Variants in SLC2A13 observed in about 807,000 individuals in gnomAD.
SLC2A13 encodes the protein solute carrier family 2 member 13, also known as proton myo-inositol cotransporter.
In SLC2A13, 32 loss-of-function variants were observed where a neutral mutation model predicts 64.4. The observed-to-expected ratio is 0.50, with a 90% confidence interval of 0.37 to 0.67. The LOEUF is 0.67. SLC2A13 is among the 30% of genes least tolerant of loss of function. The probability of loss-of-function intolerance (pLI) is 0.00; values close to 1 mark genes in which losing one functional copy is unlikely to be tolerated. For missense variants in SLC2A13, 743 were observed against 829.2 expected, an observed-to-expected ratio of 0.90 and a Z score of 1.28; for synonymous variants, 338 against 327.1, an observed-to-expected ratio of 1.03 and a Z score of -0.36.
chr12:39,981,808 C>G (rs1411941630), intron 3 of SLC2A13, among the ~76,000 whole-genome samples: 1 of 122,020 alleles, frequency 8.2e-6, no homozygotes, highest in Non-Finnish European at 1.7e-5. Context: ...AAGAGGGAAT[C>G]CTCCCTAACT....
rs1939978961 is a variant in SLC2A13, at chr12:39,756,773, T to C, written c.*3253A>G. 1 of 151,732 alleles carries C rather than the reference T, an allele frequency of 6.6e-6. No homozygotes were observed. Among genetic ancestry groups the C allele is most frequent in the Non-Finnish European group, 1.5e-5 (1 of 67,704 alleles). The allele number at this position is 151,732 out of a possible 1,614,324, so 9.4% of individuals were successfully genotyped here. A position where few individuals can be genotyped will look rare whatever the true frequency, so the allele number is the denominator to read the frequency against. ...TACTGAAATTACAGCAAAAATTTCA[T>C]AAATTCCTTGCTTTTACTGATTTCC... On this transcript the variant is annotated 3_prime_UTR_variant, in exon 10 of 10. Coordinates refer to ENST00000280871, the MANE Select transcript of SLC2A13 (RefSeq NM_052885.4).
At chr12:40,004,066 A>C (rs1237049156) in intron 3 of SLC2A13, among the ~76,000 whole-genome samples, 1 of 152,226 alleles carries the variant, frequency 6.6e-6, no homozygotes, top group African/African-American at 2.4e-5. Flanking sequence ...AATTTAAAAA[A>C]AGATAGTATA....
intron 6 of SLC2A13, among the ~76,000 whole-genome samples, chr12:39,836,453 A>G (rs983467333): frequency 1.3e-5 from 2 of 151,804 alleles, no homozygotes; most frequent in Non-Finnish European, 2.9e-5. Flanking sequence ...CTCTCTCACC[A>G]CTCCTATTCA....
chr12:39,815,630 C>A (rs568353485), intron 7 of SLC2A13, among the ~76,000 whole-genome samples: 47 of 152,228 alleles, frequency 3.1e-4, no homozygotes, highest in Non-Finnish European at 4.3e-4. Flanking sequence ...ATAAAAATAA[C>A]CATAATGCAA....
At chr12:39,807,937 T>C (rs1942029927) in intron 7 of SLC2A13, among the ~76,000 whole-genome samples, 1 of 152,208 alleles carries the variant, frequency 6.6e-6, no homozygotes, top group Non-Finnish European at 1.5e-5. Context: ...TTTTGTATGC[T>C]ATAATTCTTG....
chr12:39,776,712 G>T (rs140461614), intron 7 of SLC2A13, among the ~76,000 whole-genome samples: 23 of 138,246 alleles, frequency 1.7e-4, no homozygotes, highest in Admixed American at 6.8e-4. Context: ...ATGAGGTAGG[G>T]ATGGGTGGAG....
chr12:40,034,085 G>T (rs1947942540), intron 2 of SLC2A13, among the ~76,000 whole-genome samples: 1 of 152,132 alleles, frequency 6.6e-6, no homozygotes, highest in African/African-American at 2.4e-5. Context: ...TTCATTTTAA[G>T]TCAAGCTGTA....
At chr12:39,792,811 A>AC (rs1279119033) in intron 7 of SLC2A13, among the ~76,000 whole-genome samples, 1 of 151,146 alleles carries the variant, frequency 6.6e-6, no homozygotes, top group Non-Finnish European at 1.5e-5. Context: ...ATGAAAAAAA[A>AC]AAACCCCACA....
intron 7 of SLC2A13, among the ~76,000 whole-genome samples, chr12:39,807,175 G>T (rs1485463455): frequency 6.6e-6 from 1 of 152,234 alleles, no homozygotes; most frequent in Non-Finnish European, 1.5e-5. Context: ...CGCCAACCTA[G>T]TGGTCATGAG....
intron 1 of SLC2A13, among the ~76,000 whole-genome samples, chr12:40,051,570 A>T (rs1365183767): frequency 2.6e-5 from 4 of 152,160 alleles, no homozygotes; most frequent in Non-Finnish European, 5.9e-5. Context: ...ACTATAGCAA[A>T]GGGACCGGCC....
At chr12:40,102,931 G>A (rs17489631) in intron 1 of SLC2A13, among the ~76,000 whole-genome samples, 2,971 of 152,080 alleles carry the variant, frequency 0.02, 86 homozygotes, top group African/African-American at 0.068. Flanking sequence ...TTTTGAATGC[G>A]GCCTATTTCA....
intron 3 of SLC2A13, among the ~76,000 whole-genome samples, chr12:39,986,016 G>T (rs947369287): frequency 6.6e-6 from 1 of 152,138 alleles, no homozygotes; most frequent in Non-Finnish European, 1.5e-5. Flanking sequence ...GTGAGGGCCT[G>T]TGTCTTGGTT....
chr12:39,787,452 G>A (rs375847806), intron 7 of SLC2A13, among the ~76,000 whole-genome samples: 1 of 152,124 alleles, frequency 6.6e-6, no homozygotes, highest in Admixed American at 6.5e-5. Context: ...GTTCTCTAAA[G>A]CAGAGAGAAA....
intron 1 of SLC2A13, among the ~76,000 whole-genome samples, chr12:40,091,941 T>C (rs184337449): frequency 2.0e-4 from 31 of 152,344 alleles, no homozygotes; most frequent in Non-Finnish European, 3.5e-4. Context: ...AATTAATCCA[T>C]ACAATAACTC....
chr12:40,049,565 T>C (rs1020107863), intron 1 of SLC2A13, among the ~76,000 whole-genome samples: 2 of 152,134 alleles, frequency 1.3e-5, no homozygotes, highest in African/African-American at 4.8e-5. Flanking sequence ...GCAGCTTTTT[T>C]TCATTTCCCT....
Position 40,105,156 on chromosome 12 carries a change from C to T in SLC2A13, c.556+97G>A. The T allele has an allele frequency of 1.4e-6, 2 of 1,416,440 alleles. No individual in the cohort carries two copies. The highest frequency in any genetic ancestry group is 1.5e-5 in the South Asian group (1 of 66,406). The allele number at this position is 1,416,440 out of a possible 1,614,324, so 87.7% of individuals were successfully genotyped here. ...TGGAGGATTCTCTGACCCTGGGAGACCAGACGGGGACCCCGATGGGCAAGA... is the reference window on the plus strand; with the variant it reads ...TGGAGGATTCTCTGACCCTGGGAGATCAGACGGGGACCCCGATGGGCAAGA... On this transcript the variant is annotated intron_variant, in intron 1 of 9. Coordinates refer to ENST00000280871, the MANE Select transcript of SLC2A13 (RefSeq NM_052885.4). The surrounding 1 kb of genome is among the most constrained non-coding windows in gnomAD (Gnocchi z 4.2).
chr12:40,044,327 G>T (rs1490326202), intron 2 of SLC2A13, among the ~76,000 whole-genome samples: 1 of 152,070 alleles, frequency 6.6e-6, no homozygotes, highest in Non-Finnish European at 1.5e-5. Context: ...TGGGGGGTTA[G>T]GGGGTGATGG....
chr12:40,054,273 TATTTAAATATG>T (rs1468351754), intron 1 of SLC2A13, among the ~76,000 whole-genome samples: 1 of 152,186 alleles, frequency 6.6e-6, no homozygotes, highest in Non-Finnish European at 1.5e-5. Flanking sequence ...TAATGAATAA[TATTTAAATATG>T]ATTTAAATAT....
At chr12:39,763,096 C>G (rs143143835) in intron 9 of SLC2A13, among the ~76,000 whole-genome samples, 28 of 151,996 alleles carry the variant, frequency 1.8e-4, no homozygotes, top group Non-Finnish European at 3.8e-4. Flanking sequence ...TCAGTAAATA[C>G]GAGGAAATAT....
Sources: allele counts gnomAD v4.1 joint callset (sites outside exome capture counted in the v4.1 genomes callset), GRCh38; gene constraint gnomAD v4.1.1; non-coding constraint Gnocchi (gnomAD v3.1); transcripts MANE v1.5; gene names NCBI Gene and HGNC (gene_info 2026-07-23, HGNC 2026-07-21).